TMEM184B: variants seen among roughly 807,000 people sequenced by gnomAD.
TMEM184B encodes the protein transmembrane protein 184B.
In TMEM184B, 17 loss-of-function variants were observed where a neutral mutation model predicts 41.8. That is an observed-to-expected ratio of 0.41 (90% confidence interval 0.28 to 0.61). TMEM184B has a LOEUF of 0.61. Among genes scored for constraint, TMEM184B ranks in the 20% least tolerant of loss-of-function variants. The pLI, the probability that TMEM184B is intolerant of heterozygous loss-of-function variation, is 0.34. For synonymous variants in TMEM184B, 240 were observed against 229.5 expected (o/e 1.05, Z -0.41); for missense variants, 393 against 557.8 (o/e 0.70, Z 2.98).
chr22:38,238,971 T>C (rs1003193998), intron 3 of TMEM184B, among the ~76,000 whole-genome samples: 1 of 152,224 alleles, frequency 6.6e-6, no homozygotes, highest in Non-Finnish European at 1.5e-5. Flanking sequence ...GGGAAAACTG[T>C]GAAATGCCAC....
At chr22:38,267,986 C>T (rs2092468040) in intron 1 of TMEM184B, among the ~76,000 whole-genome samples, 1 of 152,178 alleles carries the variant, frequency 6.6e-6, no homozygotes, top group Admixed American at 6.5e-5. Context: ...TGAACAAATG[C>T]TACCTGGGTG....
intron 5 of TMEM184B, among the ~76,000 whole-genome samples, chr22:38,227,854 AG>A (rs2091490612): frequency 6.6e-6 from 1 of 152,202 alleles, no homozygotes; most frequent in African/African-American, 2.4e-5. Flanking sequence ...TTCCTCAGCC[AG>A]GTTTTCCCGA....
At chr22:38,223,928 A>T in intron 8 of TMEM184B, 1 of 152,340 alleles carries the variant, frequency 6.6e-6, no homozygotes. Context: ...GCCAGCCCGG[A>T]CCCATTACAG....
intron 1 of TMEM184B, among the ~76,000 whole-genome samples, chr22:38,267,774 G>A (rs2092464993): frequency 6.6e-6 from 1 of 152,108 alleles, no homozygotes. Flanking sequence ...TTTATCCTGA[G>A]TGGCAGTGCC....
intron 1 of TMEM184B, among the ~76,000 whole-genome samples, chr22:38,267,930 C>A (rs1174095168): frequency 6.6e-6 from 1 of 152,160 alleles, no homozygotes; most frequent in Non-Finnish European, 1.5e-5. Context: ...ATGCCATACC[C>A]AAGCATAGGG....
chr22:38,246,593 C>T (rs1411259406), intron 2 of TMEM184B: 6 of 303,500 alleles, frequency 2.0e-5, no homozygotes, highest in East Asian at 9.4e-5. Flanking sequence ...GCAGCCCTCA[C>T]GCTATGGCGG....
In TMEM184B at chr22:38,221,087, C is replaced by G; in HGVS notation, c.*382G>C. The G allele has an allele frequency of 5.6e-6, 6 of 1,071,310 alleles. No individual in the cohort carries two copies. The South Asian group carries it at 2.1e-4, about 37-fold the overall frequency. 66.4% of individuals were successfully genotyped at this position (1,071,310 alleles called of 1,614,324 possible). A position where few individuals can be genotyped will look rare whatever the true frequency, so the allele number is the denominator to read the frequency against. ...TGTGGGGGAGCCACGGCTTGCCGAC[C>G]TCAGCCTGAGAGTCTCGCGGGGAGG... On this transcript the variant is annotated 3_prime_UTR_variant, in exon 9 of 9. Coordinates refer to ENST00000361906, the MANE Select transcript of TMEM184B (RefSeq NM_012264.5).
At chr22:38,240,784 C>CACTAG (rs1413281598) in intron 3 of TMEM184B, among the ~76,000 whole-genome samples, 3 of 145,598 alleles carry the variant, frequency 2.1e-5, no homozygotes, top group African/African-American at 7.7e-5. Flanking sequence ...CACATACAGG[C>CACTAG]ACTAGGGATC....
At chr22:38,261,734 G>A (rs750735767) in intron 1 of TMEM184B, among the ~76,000 whole-genome samples, 4 of 152,160 alleles carry the variant, frequency 2.6e-5, no homozygotes, top group South Asian at 4.1e-4. Flanking sequence ...GGCACTGAGC[G>A]GATAGGTCCC....
rs139753137 is a variant in TMEM184B, at chr22:38,230,297, C to T, written c.525+372G>A. On this transcript the variant is annotated intron_variant, in intron 5 of 8. Coordinates refer to ENST00000361906, the MANE Select transcript of TMEM184B (RefSeq NM_012264.5). ...AAGAGACGGCAGAGGCCTGTTCTGG[C>T]GTGTGTCTTTAATGCCAAAACCCTC... Among the ~76,000 whole-genome samples, 63 of 152,342 alleles carry T rather than the reference C, an allele frequency of 4.1e-4. 1 individual carries two copies. The highest frequency in any genetic ancestry group is 1.4e-3 in the African/African-American group (59 of 41,576).
In TMEM184B at chr22:38,219,864, G is replaced by A. The variant is rs1423070862; in HGVS notation, c.*1605C>T. ...ACTGCTCCGCCCCCCCAAGATGGAG[G>A]GGGAGAGCTGGCCTCTGGCACCCAC... On this transcript the variant is annotated 3_prime_UTR_variant, in exon 9 of 9. Coordinates refer to ENST00000361906, the MANE Select transcript of TMEM184B (RefSeq NM_012264.5). The A allele has an allele frequency of 1.0e-6, 1 of 985,484 alleles. No individual in the cohort carries two copies. The highest frequency in any genetic ancestry group is 4.7e-5 in the South Asian group (1 of 21,284). The allele number at this position is 985,484 out of a possible 1,614,324, so 61.0% of individuals were successfully genotyped here.
chr22:38,254,204 C>CAAAAAAAAA (rs61216492), intron 1 of TMEM184B, among the ~76,000 whole-genome samples: 1 of 86,562 alleles, frequency 1.2e-5, no homozygotes, highest in Non-Finnish European at 2.4e-5. Flanking sequence ...CTCTTGTCTC[C>CAAAAAAAAA]AAAAAAAAAA....
intron 1 of TMEM184B, among the ~76,000 whole-genome samples, chr22:38,253,187 T>C (rs1467918733): frequency 6.6e-6 from 1 of 152,064 alleles, no homozygotes; most frequent in Non-Finnish European, 1.5e-5. Context: ...GGAGCCGCGG[T>C]GGCTCAGGCC....
intron 3 of TMEM184B, 52 bp downstream of exon 3, chr22:38,245,883 T>TACC: frequency 3.9e-6 from 5 of 1,288,704 alleles, no homozygotes; most frequent in African/African-American, 2.9e-5. Flanking sequence ...GGACAGGGGC[T>TACC]CCCAGCCCCC....
chr22:38,269,828 G>C (rs527739329), intron 1 of TMEM184B, among the ~76,000 whole-genome samples: 1 of 152,304 alleles, frequency 6.6e-6, no homozygotes, highest in East Asian at 1.9e-4. Context: ...AAGACCAAAA[G>C]CTGCTAGAAG....
At position 38,225,164 on chromosome 22, in the gene TMEM184B, T is replaced by C. The variant is rs1017214149; in HGVS notation, c.788-185A>G. 6.6e-6 allele frequency among the ~76,000 whole-genome samples: 1 copy of C among 152,144 alleles called. No individual in the cohort carries two copies. Among genetic ancestry groups the C allele is most frequent in the African/African-American group, 2.4e-5 (1 of 41,442 alleles). On this transcript the variant is annotated intron_variant, in intron 7 of 8. Transcript: ENST00000361906. The surrounding 1 kb of genome is among the most constrained non-coding windows in gnomAD (Gnocchi z 4.4). ...TCCGGAAACCCCACTCTCCCAGCTCTTTGCCACCGAAACTGAGATGCCAGC... is the reference window on the plus strand; with the variant it reads ...TCCGGAAACCCCACTCTCCCAGCTCCTTGCCACCGAAACTGAGATGCCAGC...
At chr22:38,270,562 G>A (rs1341670155) in intron 1 of TMEM184B, among the ~76,000 whole-genome samples, 1 of 152,106 alleles carries the variant, frequency 6.6e-6, no homozygotes, top group Non-Finnish European at 1.5e-5. Context: ...CCACCTTTTA[G>A]AGGGCTGCCC....
chr22:38,231,812 CTGAT>C, intron 3 of TMEM184B: 1 of 307,358 alleles, frequency 3.3e-6, no homozygotes, highest in South Asian at 2.9e-5. Flanking sequence ...GTGTGCTACA[CTGAT>C]CTGGTGTCTG....
chr22:38,272,775 C>T, intron 1 of TMEM184B, 109 bp downstream of exon 1: 1 of 985,200 alleles, frequency 1.0e-6, no homozygotes, highest in African/African-American at 1.7e-5. Flanking sequence ...AGCCGGCGGC[C>T]GAAGCCGGGC....
Sources: gnomAD v4.1 joint callset for allele counts (sites outside exome capture counted in the v4.1 genomes callset) on GRCh38, gnomAD v4.1.1 for gene constraint, Gnocchi (gnomAD v3.1) non-coding constraint, MANE v1.5 for transcripts, NCBI Gene and HGNC (gene_info 2026-07-23, HGNC 2026-07-21) for gene names.